Variants in DYRK2 observed in about 807,000 individuals in gnomAD.
The protein encoded by DYRK2 is dual specificity tyrosine phosphorylation regulated kinase 2, also known as dual specificity tyrosine-phosphorylation-regulated kinase 2.
A neutral mutation model predicts 41.6 loss-of-function variants in DYRK2; 12 were observed. The observed-to-expected ratio is 0.29, with a 90% CI of 0.18 to 0.47. The LOEUF (loss-of-function observed/expected upper bound fraction) is 0.47. DYRK2 is among the 20% of genes least tolerant of loss of function. The probability of loss-of-function intolerance (pLI) is 1.00; values close to 1 mark genes in which losing one functional copy is unlikely to be tolerated. For missense variants in DYRK2, 678 were observed against 798.4 expected, an observed-to-expected ratio of 0.85 and a Z score of 1.82; for synonymous variants, 322 against 315.7, an observed-to-expected ratio of 1.02 and a Z score of -0.21.
At position 67,649,779 on chromosome 12, in the gene DYRK2, C is replaced by T. The variant is rs953944664; in HGVS notation, c.50-18C>T. ...CCCCCCTGACCCTCTTTTGTCTCCT[C>T]CCGCACGTGGCTTCCAGGCCGAGGT... On this transcript the variant is annotated intron_variant, in intron 1 of 2. Transcript: ENST00000344096. 14 of 1,314,000 alleles carry T rather than the reference C, an allele frequency of 1.1e-5. No individual in the cohort carries two copies. In the African/African-American group the frequency reaches 1.5e-4, roughly 14 times the overall value. 81.4% of individuals were successfully genotyped at this position (1,314,000 alleles called of 1,614,324 possible). A position where few individuals can be genotyped will look rare whatever the true frequency, so the allele number is the denominator to read the frequency against.
rs1403651059 is a variant in DYRK2 at position 67,657,709 on chromosome 12, C to A, written c.802C>A (p.Arg268=). ...CCACCGGCAAGCAGCGGAGGAGATC[C>A]GAATCCTGGAACACCTGCGGAAGCA... ...RFHRQAAEEI[R]ILEHLRKQDK... Residue 268 remains arginine, a synonymous_variant, in exon 3 of 3, where the codon CGA becomes AGA. Transcript: ENST00000344096. The surrounding 1 kb of genome is among the most constrained non-coding windows in gnomAD (Gnocchi z 4.8). The A allele has an allele frequency of 2.5e-6, 4 of 1,614,072 alleles. No homozygotes were observed. The highest frequency in any genetic ancestry group is 3.4e-6 in the Non-Finnish European group (4 of 1,180,000).
At chr12:67,650,283 A>G (rs1292843159) in intron 2 of DYRK2, among the ~76,000 whole-genome samples, 2 of 152,026 alleles carry the variant, frequency 1.3e-5, no homozygotes, top group African/African-American at 4.8e-5. Context: ...TGACCCGGTA[A>G]ACATCTCTGT....
intron 1 of DYRK2, 36 bp downstream of exon 1, chr12:67,649,218 C>A: frequency 1.4e-6 from 2 of 1,452,894 alleles, no homozygotes; most frequent in Admixed American, 2.2e-5. Context: ...CATCCCCGGA[C>A]CCCCGCCGGC....
Position 67,662,943 on chromosome 12 carries a change from T to C in DYRK2, c.*4230T>C, listed in dbSNP as rs1359588573. ...CACCTGTCAGATTTTTATGTTAACT[T>C]TTTTATATATAGCCTCTGCTGTGTT... On this transcript the variant is annotated 3_prime_UTR_variant, in exon 3 of 3. Coordinates refer to ENST00000344096, the MANE Select transcript of DYRK2 (RefSeq NM_006482.3). 2.0e-5 allele frequency: 3 copies of C among 152,124 alleles called. No homozygotes were observed. The highest frequency in any genetic ancestry group is 2.1e-4 in the South Asian group (1 of 4,832). 9.4% of individuals were successfully genotyped at this position (152,124 alleles called of 1,614,324 possible).
rs1872657954 is a variant in DYRK2 at position 67,662,739 on chromosome 12, A to T, written c.*4026A>T. ...TTATCCTTTGTCAATTAGCCTGGAG[A>T]GGGTTTAGAATGCAAAATGGATAGC... is the stretch of plus-strand genomic sequence containing the variant. On this transcript the variant is annotated 3_prime_UTR_variant, in exon 3 of 3. Coordinates refer to ENST00000344096, the MANE Select transcript of DYRK2 (RefSeq NM_006482.3). The T allele has an allele frequency of 6.3e-6, 1 of 158,972 alleles. No homozygotes were observed. The highest frequency in any genetic ancestry group is 1.5e-5 in the Non-Finnish European group (1 of 68,020). The allele number at this position is 158,972 out of a possible 1,614,324, so 9.8% of individuals were successfully genotyped here. A position where few individuals can be genotyped will look rare whatever the true frequency, so the allele number is the denominator to read the frequency against.
At chr12:67,653,709 A>AG (rs1872389009) in intron 2 of DYRK2, among the ~76,000 whole-genome samples, 1 of 152,198 alleles carries the variant, frequency 6.6e-6, no homozygotes, top group Non-Finnish European at 1.5e-5. Context: ...CAACTCCAAG[A>AG]GAGGCAAGAG....
At chr12:67,651,211 A>G (rs575857861) in intron 2 of DYRK2, among the ~76,000 whole-genome samples, 4 of 152,314 alleles carry the variant, frequency 2.6e-5, no homozygotes, top group Admixed American at 6.5e-5. Flanking sequence ...ATGATTCTGT[A>G]TATTACTGTT....
Position 67,664,283 on chromosome 12 carries a change from C to T in DYRK2, c.*5570C>T, listed in dbSNP as rs1450959725. ...TATATATGGGGTGGGAGCATAATTGCCATTCCCATGTGTCTCAAGGAAGCT... is the reference window on the plus strand; with the variant it reads ...TATATATGGGGTGGGAGCATAATTGTCATTCCCATGTGTCTCAAGGAAGCT... On this transcript the variant is annotated 3_prime_UTR_variant, in exon 3 of 3. Coordinates refer to ENST00000344096, the MANE Select transcript of DYRK2 (RefSeq NM_006482.3). 2.0e-5 allele frequency: 3 copies of T among 152,004 alleles called. No homozygotes were observed. The highest frequency in any genetic ancestry group is 4.8e-5 in the African/African-American group (2 of 41,390). 9.4% of individuals were successfully genotyped at this position (152,004 alleles called of 1,614,324 possible).
Position 67,664,401 on chromosome 12 carries a change from A to C in DYRK2, c.*5688A>C, listed in dbSNP as rs559725161. 3 of 152,278 alleles carry C rather than the reference A, an allele frequency of 2.0e-5. No homozygotes were observed. The East Asian group carries it at 5.8e-4, about 29-fold the overall frequency. The allele number at this position is 152,278 out of a possible 1,614,324, so 9.4% of individuals were successfully genotyped here. A position where few individuals can be genotyped will look rare whatever the true frequency, so the allele number is the denominator to read the frequency against. ...CATCTGTCGTTAAGGAGCAGCAAGA[A>C]TATATTATGATTGTATCACATGTTC... On this transcript the variant is annotated 3_prime_UTR_variant, in exon 3 of 3. Transcript: ENST00000344096.
In DYRK2 at chr12:67,660,299, C is replaced by G. The variant is rs1592715703; in HGVS notation, c.*1586C>G. 1 of 166,424 alleles carries G rather than the reference C, an allele frequency of 6.0e-6. No homozygotes were observed. The highest frequency in any genetic ancestry group is 1.9e-4 in the East Asian group (1 of 5,190). The allele number at this position is 166,424 out of a possible 1,614,324, so 10.3% of individuals were successfully genotyped here. A position where few individuals can be genotyped will look rare whatever the true frequency, so the allele number is the denominator to read the frequency against. On this transcript the variant is annotated 3_prime_UTR_variant, in exon 3 of 3. Transcript: ENST00000344096. Reference sequence around the variant, plus strand: ...TTACAAGTACTTAAAAGCGTGGTCCCCAGTGAGGCCAAGAAAGTTTCCGGT... The same window carrying G: ...TTACAAGTACTTAAAAGCGTGGTCCGCAGTGAGGCCAAGAAAGTTTCCGGT...
chr12:67,661,283 G>A lies in DYRK2; in HGVS notation c.*2570G>A, dbSNP rs1407014160. On this transcript the variant is annotated 3_prime_UTR_variant, in exon 3 of 3. Coordinates refer to ENST00000344096, the MANE Select transcript of DYRK2 (RefSeq NM_006482.3). ...TGAAGGCTCTGATAGGCTATTAGGA[G>A]TTGGCTTGGAAACAGTTTTTGGTCT... 1.2e-5 allele frequency: 2 copies of A among 167,072 alleles called. No homozygotes were observed. Among genetic ancestry groups the A allele is most frequent in the African/African-American group, 4.8e-5 (2 of 41,460 alleles). 10.3% of individuals were successfully genotyped at this position (167,072 alleles called of 1,614,324 possible).
rs1047836742 is a variant in DYRK2 at position 67,659,362 on chromosome 12, G to T, written c.*649G>T. On this transcript the variant is annotated 3_prime_UTR_variant, in exon 3 of 3. Transcript: ENST00000344096. ...AAAGCAGCTTTTAGTGGATAAATGGGAATGGAAACGTGTGTGTTCCTCCAA... is the reference window on the plus strand; with the variant it reads ...AAAGCAGCTTTTAGTGGATAAATGGTAATGGAAACGTGTGTGTTCCTCCAA... 7 of 167,236 alleles carry T rather than the reference G, an allele frequency of 4.2e-5. No individual in the cohort carries two copies. In the East Asian group the frequency reaches 1.3e-3, roughly 32 times the overall value. The allele number at this position is 167,236 out of a possible 1,614,324, so 10.4% of individuals were successfully genotyped here. A position where few individuals can be genotyped will look rare whatever the true frequency, so the allele number is the denominator to read the frequency against.
chr12:67,651,628 G>A (rs1288408838), intron 2 of DYRK2: 1 of 455,608 alleles, frequency 2.2e-6, no homozygotes, highest in Non-Finnish European at 4.4e-6. Context: ...ACTTCGGTAT[G>A]CTGTTAATTA....
Position 67,658,705 on chromosome 12 carries a change from G to A in DYRK2, c.1798G>A (p.Val600Ile). 1 of 1,603,414 alleles carries A rather than the reference G, an allele frequency of 6.2e-7. No homozygotes were observed. The highest frequency in any genetic ancestry group is 8.5e-7 in the Non-Finnish European group (1 of 1,174,730). ...GCAGAGGACAGTGTTGCCAAAACTT[G>A]TTAGCTGAGCTCACGTCCCCTGATG... is the stretch of plus-strand genomic sequence containing the variant. ...IQQRTVLPKL[V>I]S Residue 600 changes from valine (V) to isoleucine (I), a missense_variant, in exon 3 of 3, where the codon GTT (valine) becomes ATT (isoleucine). By Grantham distance (29) the Val-to-Ile change is conservative. Around this residue, in one of 2 missense-constraint regions of DYRK2, gnomAD observed 393 missense variants for 519.1 expected, o/e 0.76. Transcript: ENST00000344096. This position sits in a 1 kb window ranked among gnomAD's most constrained non-coding sequence, Gnocchi z 4.3.
chr12:67,650,639 G>A (rs975835925), intron 2 of DYRK2, among the ~76,000 whole-genome samples: 2 of 152,350 alleles, frequency 1.3e-5, no homozygotes, highest in East Asian at 1.9e-4. Context: ...CAGGTGCTGT[G>A]GTCTCTGGGA....
chr12:67,655,506 T>C (rs1465358192), intron 2 of DYRK2, among the ~76,000 whole-genome samples: 1 of 152,176 alleles, frequency 6.6e-6, no homozygotes, highest in Non-Finnish European at 1.5e-5. Flanking sequence ...AAGGGTAAAA[T>C]AACCTTTCTA....
intron 2 of DYRK2, chr12:67,652,720 A>G (rs1872355505): frequency 6.6e-6 from 1 of 152,264 alleles, no homozygotes; most frequent in Non-Finnish European, 1.5e-5. Context: ...TTTATATAAT[A>G]TTTAATACCA....
chr12:67,654,693 G>A (rs1347856956), intron 2 of DYRK2, among the ~76,000 whole-genome samples: 2 of 152,110 alleles, frequency 1.3e-5, no homozygotes, highest in Non-Finnish European at 2.9e-5. Context: ...TGGAGGGGAA[G>A]CCTTCTTTTT....
rs1356473313 is a variant in DYRK2, at chr12:67,659,584, A to T, written c.*871A>T. Reference sequence around the variant, plus strand: ...TTCTTCCTTCAGCTGTGTATCCCAGACTGTTAATACAGAAAAGAGACATTT... The same window carrying T: ...TTCTTCCTTCAGCTGTGTATCCCAGTCTGTTAATACAGAAAAGAGACATTT... On this transcript the variant is annotated 3_prime_UTR_variant, in exon 3 of 3. Coordinates refer to ENST00000344096, the MANE Select transcript of DYRK2 (RefSeq NM_006482.3). 6.0e-6 allele frequency: 1 copy of T among 166,824 alleles called. No homozygotes were observed. Among genetic ancestry groups the T allele is most frequent in the Admixed American group, 6.5e-5 (1 of 15,278 alleles). The allele number at this position is 166,824 out of a possible 1,614,324, so 10.3% of individuals were successfully genotyped here.
Sources: allele counts gnomAD v4.1 joint callset (sites outside exome capture counted in the v4.1 genomes callset), GRCh38; gene constraint gnomAD v4.1.1; regional missense constraint gnomAD v4.1.1; non-coding constraint Gnocchi (gnomAD v3.1); transcripts MANE v1.5; gene names NCBI Gene and HGNC (gene_info 2026-07-23, HGNC 2026-07-21).